Variants in SH3TC1 observed in about 807,000 individuals in gnomAD.
The protein encoded by SH3TC1 is SH3 domain and tetratricopeptide repeats 1, also known as SH3 domain and tetratricopeptide repeat-containing protein 1.
SH3TC1 carries 135 observed loss-of-function variants against 117.3 expected under a neutral mutation model. The ratio of observed to expected loss-of-function variants is 1.15; its 90% CI spans 1.00 to 1.33. SH3TC1 has a LOEUF of 1.33. Among genes scored for constraint, SH3TC1 ranks in the 40% most tolerant of loss-of-function variants. The pLI is 0.00. For synonymous variants in SH3TC1, 898 were observed against 816.9 expected, an observed-to-expected ratio of 1.10 and a Z score of -1.69; for missense variants, 2,092 against 1,794.3, an observed-to-expected ratio of 1.17 and a Z score of -3.00.
In SH3TC1 at chr4:8,209,781, C is replaced by T; in HGVS notation, c.206C>T (p.Ala69Val). ...EAPPARVAGP[A>V]AGTPPCQMGV... ...CCTCCTGCCCGCGTGGCTGGGCCTG[C>T]TGCTGGGACCCCTCCCTGCCAGATG... Residue 69 changes from alanine to valine, a missense_variant, in exon 3 of 18, where the codon GCT becomes GTT. By Grantham distance (64) the Ala-to-Val change is moderately conservative (BLOSUM62 0). Coordinates refer to ENST00000245105, the MANE Select transcript of SH3TC1 (RefSeq NM_018986.5). The surrounding 1 kb of genome is among the most constrained non-coding windows in gnomAD (Gnocchi z 5.9). 1 of 1,613,716 alleles carries T rather than the reference C, an allele frequency of 6.2e-7. No individual in the cohort carries two copies. The highest frequency in any genetic ancestry group is 8.5e-7 in the Non-Finnish European group (1 of 1,180,014).
At chr4:8,216,841 G>C (rs377572632) in intron 6 of SH3TC1, 116 bp from the exon 7 acceptor site, 13 of 1,050,202 alleles carry the variant, frequency 1.2e-5, no homozygotes, top group East Asian at 9.7e-5. Context: ...GCAGACACTG[G>C]GGGGGCCGCT....
rs57268849 is a variant in SH3TC1 at position 8,188,688 on chromosome 4, G to A, written c.-57+6478G>A. ...TATCCATCCTGCAGCAAGCAAGTGA[G>A]GGGAGACCCCGGGACCCACACCTGG... On this transcript the variant is annotated intron_variant, in intron 1 of 16. Coordinates refer to the SH3TC1 transcript ENST00000508641. 3.4e-3 allele frequency among the ~76,000 whole-genome samples: 522 copies of A among 152,330 alleles called. 2 individuals are homozygous for A. The highest frequency in any genetic ancestry group is 0.012 in the African/African-American group (496 of 41,572).
chr4:8,214,543 T>C lies in SH3TC1; in HGVS notation c.444T>C (p.Phe148=). Residue 148 remains phenylalanine, a synonymous_variant, in exon 5 of 18, where the codon TTT becomes TTC. Coordinates refer to ENST00000245105, the MANE Select transcript of SH3TC1 (RefSeq NM_018986.5). Reference sequence around the variant, plus strand: ...GGATCGTGGTGACGTTTAAGACTTTTGAAGAAATCTGGAAGTTTTCCACCT... The same window carrying C: ...GGATCGTGGTGACGTTTAAGACTTTCGAAGAAATCTGGAAGTTTTCCACCT... ...QDRIVVTFKT[F]EEIWKFSTYH... 6.2e-7 allele frequency: 1 copy of C among 1,613,972 alleles called. No individual in the cohort carries two copies. Among genetic ancestry groups the C allele is most frequent in the Non-Finnish European group, 8.5e-7 (1 of 1,179,954 alleles).
In SH3TC1 at chr4:8,205,154, C is replaced by A; in HGVS notation, c.-28-13C>A. Reference sequence around the variant, plus strand: ...GGGGCCACCTCTCCTGACCACACCCCCTCTGTCCACAGGGCCAGGCATGTG... The same window carrying A: ...GGGGCCACCTCTCCTGACCACACCCACTCTGTCCACAGGGCCAGGCATGTG... On this transcript the variant is annotated splice_polypyrimidine_tract_variant and intron_variant, in intron 1 of 17. Transcript: ENST00000245105. This position sits in a 1 kb window ranked among gnomAD's most constrained non-coding sequence, Gnocchi z 5.4. The A allele has an allele frequency of 6.8e-7, 1 of 1,464,822 alleles. No individual in the cohort carries two copies. The highest frequency in any genetic ancestry group is 9.0e-7 in the Non-Finnish European group (1 of 1,107,360). The allele number at this position is 1,464,822 out of a possible 1,614,324, so 90.7% of individuals were successfully genotyped here.
At position 8,228,429 on chromosome 4, in the gene SH3TC1, T is replaced by G. The variant is rs780491915; in HGVS notation, c.2735T>G (p.Leu912Arg). The G allele has an allele frequency of 1.2e-6, 2 of 1,604,928 alleles. No individual in the cohort carries two copies. Among genetic ancestry groups the G allele is most frequent in the Non-Finnish European group, 1.7e-6 (2 of 1,175,494 alleles). Residue 912 changes from leucine (L) to arginine (R), a missense_variant, in exon 12 of 18, where the codon CTG (leucine) becomes CGG (arginine). By Grantham distance (102) the Leu-to-Arg change is moderately radical. Coordinates refer to ENST00000245105, the MANE Select transcript of SH3TC1 (RefSeq NM_018986.5). ...QAVGLANFGALCLHAGASRLA... is the reference protein window; with the variant it reads ...QAVGLANFGARCLHAGASRLA... ...GTGGGGCTGGCCAACTTCGGGGCCC[T>G]GTGCCTGCATGCGGGTGCCAGCAGG...
Position 8,221,733 on chromosome 4 carries a change from C to T in SH3TC1, c.1113-1107C>T, listed in dbSNP as rs574607323. Among the ~76,000 whole-genome samples, 20 of 152,240 alleles carry T rather than the reference C, an allele frequency of 1.3e-4. No homozygotes were observed. In the East Asian group the frequency reaches 3.1e-3, roughly 24 times the overall value. ...ACAACTGTCGAAATCAGGAAATGAA[C>T]GCAGATACAATGCCATTATCTACAG... On this transcript the variant is annotated intron_variant, in intron 9 of 17. Transcript: ENST00000245105.
Position 8,219,444 on chromosome 4 carries a change from G to A in SH3TC1, c.1026G>A (p.Leu342=). Residue 342 remains leucine, a synonymous_variant, in exon 9 of 18, where the codon CTG becomes CTA. Transcript: ENST00000245105. The part of the protein sequence containing the change: ...IEILGAQVPS[L]PWCVGRHAAS... ...TCCTTGGGGCGCAGGTGCCCAGCCTGCCCTGGTGCGTGGGCCGACACGCAG... is the reference window on the plus strand; with the variant it reads ...TCCTTGGGGCGCAGGTGCCCAGCCTACCCTGGTGCGTGGGCCGACACGCAG... 6.2e-7 allele frequency: 1 copy of A among 1,610,344 alleles called. No individual in the cohort carries two copies. Among genetic ancestry groups the A allele is most frequent in the East Asian group, 2.2e-5 (1 of 44,712 alleles).
At chr4:8,220,108 T>C (rs1719760713) in intron 9 of SH3TC1, among the ~76,000 whole-genome samples, 1 of 152,210 alleles carries the variant, frequency 6.6e-6, no homozygotes, top group Non-Finnish European at 1.5e-5. Flanking sequence ...GCTGAACTAA[T>C]TACATCTGCA....
intron 9 of SH3TC1, among the ~76,000 whole-genome samples, chr4:8,221,491 GAAGA>G (rs1362198006): frequency 2.0e-5 from 3 of 151,398 alleles, no homozygotes; most frequent in African/African-American, 7.3e-5. Context: ...TTCAGACTTA[GAAGA>G]AAGTTGCAAA....
At position 8,227,319 on chromosome 4, in the gene SH3TC1, G is replaced by A. The variant is rs778952768; in HGVS notation, c.1625G>A (p.Arg542His). 1.1e-5 allele frequency: 18 copies of A among 1,609,706 alleles called. No individual in the cohort carries two copies. The highest frequency in any genetic ancestry group is 3.3e-5 in the South Asian group (3 of 90,760). ...SFSDEEELTG[R>H]LAQARGAAKK... ...AGCGACGAGGAGGAGCTGACTGGGC[G>A]CCTGGCACAGGCCCGGGGGGCGGCC... is the stretch of plus-strand genomic sequence containing the variant. Residue 542 changes from arginine (R) to histidine (H), a missense_variant, in exon 12 of 18, where the codon CGC (arginine) becomes CAC (histidine). Coordinates refer to ENST00000245105, the MANE Select transcript of SH3TC1 (RefSeq NM_018986.5).
At chr4:8,211,792 A>G (rs1197434630) in intron 3 of SH3TC1, among the ~76,000 whole-genome samples, 2 of 152,042 alleles carry the variant, frequency 1.3e-5, no homozygotes, top group African/African-American at 4.8e-5. Flanking sequence ...CAGGAGCTCC[A>G]CAGCCCCCGT....
rs538296578 is a variant in SH3TC1, at chr4:8,190,036, G to T, written c.-57+7826G>T. Among the ~76,000 whole-genome samples the T allele has an allele frequency of 6.6e-6, 1 of 152,336 alleles. No homozygotes were observed. Among genetic ancestry groups the T allele is most frequent in the African/African-American group, 2.4e-5 (1 of 41,582 alleles). On this transcript the variant is annotated intron_variant, in intron 1 of 16. Transcript: ENST00000508641. The surrounding 1 kb of genome is among the most constrained non-coding windows in gnomAD (Gnocchi z 4.7). ...GGTAGTTTTGGGGAGCGCGGCGTGG[G>T]TGCGTTGATGCGAGGCCAGGAAGTA...
At chr4:8,233,002 C>T in intron 13 of SH3TC1, 6 of 1,198,274 alleles carry the variant, frequency 5.0e-6, no homozygotes, top group Non-Finnish European at 5.3e-6. Context: ...CTCTGGATGA[C>T]TGTGATGCCT....
intron 4 of SH3TC1, among the ~76,000 whole-genome samples, chr4:8,214,121 G>C (rs547259273): frequency 6.6e-6 from 1 of 152,194 alleles, no homozygotes; most frequent in South Asian, 2.1e-4. Flanking sequence ...ACTCAGGGCT[G>C]AGAGCACAGC....
rs545884185 is a variant in SH3TC1, at chr4:8,239,409, T to C, written c.3754-1289T>C. Among the ~76,000 whole-genome samples the C allele has an allele frequency of 6.1e-4, 78 of 128,528 alleles. 1 individual carries two copies. Among genetic ancestry groups the C allele is most frequent in the African/African-American group, 2.2e-3 (72 of 32,736 alleles). 84.3% of individuals were successfully genotyped at this position (128,528 alleles called of 152,430 possible). A position where few individuals can be genotyped will look rare whatever the true frequency, so the allele number is the denominator to read the frequency against. ...CAGGCCCCATGTACACACAGGCACA[T>C]GCACAAATACACAGGCACATGCACA... On this transcript the variant is annotated intron_variant, in intron 17 of 17. Coordinates refer to ENST00000245105, the MANE Select transcript of SH3TC1 (RefSeq NM_018986.5).
Position 8,227,587 on chromosome 4 carries a change from C to T in SH3TC1, c.1893C>T (p.Leu631=), listed in dbSNP as rs1419351575. The change falls in exon 12 of 18, where the codon CTC becomes CTT. Residue 631 remains leucine, a synonymous_variant. Transcript: ENST00000245105. ...TGGTGCCCAAAGCCATGGCCCTGCT[C>T]CTGGGGACGCCTGACCACATCTGCA... The part of the protein sequence containing the change: ...AQVVPKAMAL[L]LGTPDHICST... The T allele has an allele frequency of 1.3e-6, 2 of 1,520,588 alleles. No homozygotes were observed. The highest frequency in any genetic ancestry group is 1.8e-6 in the Non-Finnish European group (2 of 1,136,974). 94.2% of individuals were successfully genotyped at this position (1,520,588 alleles called of 1,614,324 possible).
upstream of SH3TC1, among the ~76,000 whole-genome samples, chr4:8,196,030 C>T (rs144831373): frequency 1.3e-5 from 2 of 152,358 alleles, no homozygotes; most frequent in Non-Finnish European, 2.9e-5. This position sits in a 1 kb window ranked among gnomAD's most constrained non-coding sequence, Gnocchi z 4.6. Context: ...TCCCCACCTG[C>T]CTGTCGAGCG....
intron 1 of SH3TC1, among the ~76,000 whole-genome samples, chr4:8,193,055 C>T (rs896658704): frequency 2.0e-5 from 3 of 152,238 alleles, no homozygotes; most frequent in Non-Finnish European, 4.4e-5. Flanking sequence ...ATGGCCACAC[C>T]TGTTCACTTA....
intron 4 of SH3TC1, among the ~76,000 whole-genome samples, chr4:8,213,589 A>T (rs1712289): frequency 0.032 from 4,938 of 152,250 alleles, 91 homozygotes; most frequent in Non-Finnish European, 0.04. Context: ...CTGACAGGTC[A>T]GACCTTGAAT....
Sources: gnomAD v4.1 joint callset for allele counts (sites outside exome capture counted in the v4.1 genomes callset) on GRCh38, gnomAD v4.1.1 for gene constraint, Gnocchi (gnomAD v3.1) non-coding constraint, MANE v1.5 for transcripts, NCBI Gene and HGNC (gene_info 2026-07-23, HGNC 2026-07-21) for gene names.